NOP58: variants seen among roughly 807,000 people sequenced by gnomAD.
NOP58 encodes NOP58 ribonucleoprotein.
A neutral mutation model predicts 71.2 loss-of-function variants in NOP58; 44 were observed. The observed-to-expected ratio is 0.62, with a 90% CI of 0.49 to 0.79. The LOEUF (loss-of-function observed/expected upper bound fraction) is 0.79. Among genes scored for constraint, NOP58 ranks in the 30% least tolerant of loss-of-function variants. The probability of loss-of-function intolerance (pLI) is 0.00; values close to 1 mark genes in which losing one functional copy is unlikely to be tolerated. For missense variants in NOP58, 538 were observed against 620.2 expected (o/e 0.87, Z 1.41); for synonymous variants, 228 against 200.3 (o/e 1.14, Z -1.17).
At chr2:202,291,067 G>T in intron 7 of NOP58, 58 bp from the exon 8 acceptor site, 2 of 1,424,382 alleles carry the variant, frequency 1.4e-6, no homozygotes, top group Non-Finnish European at 1.9e-6. Flanking sequence ...CTATTTGCTG[G>T]ATTTTATATA....
intron 13 of NOP58, among the ~76,000 whole-genome samples, chr2:202,301,198 C>A (rs1219498959): frequency 6.6e-6 from 1 of 151,662 alleles, no homozygotes; most frequent in Non-Finnish European, 1.5e-5. Flanking sequence ...TCTTTTTTTA[C>A]CCCCAAGACA....
In NOP58 at chr2:202,302,072, CTTTTTTTTTTCTTTTT is replaced by C. The variant is rs1290597832; in HGVS notation, c.1403-838_1403-823del. 3.4e-5 allele frequency among the ~76,000 whole-genome samples: 4 copies of C among 119,118 alleles called. 1 individual carries two copies. The East Asian group carries it at 7.2e-4, about 21-fold the overall frequency. The allele number at this position is 119,118 out of a possible 152,430, so 78.1% of individuals were successfully genotyped here. The stretch of plus-strand genomic sequence containing the variant: ...CTGAATTTCTCTCTCTTTTCTTTTT[CTTTTTTTTTTCTTTTT>C]TTTTTTTTTTTTTTTTTGAGACAGA... On this transcript the variant is annotated intron_variant, in intron 13 of 14. Coordinates refer to ENST00000264279, the MANE Select transcript of NOP58 (RefSeq NM_015934.5).
intron 3 of NOP58, among the ~76,000 whole-genome samples, 186 bp from the exon 4 acceptor site, chr2:202,282,165 G>A (rs1688716867): frequency 1.3e-5 from 2 of 152,210 alleles, no homozygotes; most frequent in South Asian, 4.2e-4. Context: ...CAAAAATGAG[G>A]GTGGGAAGAT....
intron 10 of NOP58, 127 bp from the exon 11 acceptor site, chr2:202,297,252 G>A: frequency 1.2e-6 from 1 of 831,442 alleles, no homozygotes; most frequent in Non-Finnish European, 1.8e-6. Flanking sequence ...GGCAAAGGTT[G>A]AAATACGATG....
chr2:202,278,953 A>G (rs1330623811), intron 3 of NOP58, among the ~76,000 whole-genome samples: 3 of 152,304 alleles, frequency 2.0e-5, no homozygotes, highest in Non-Finnish European at 2.9e-5. Context: ...TTTGTTTTAT[A>G]AACATAGTTC....
chr2:202,303,357 T>C (rs762902297), intron 14 of NOP58, 29 bp from the exon 15 acceptor site: 2 of 1,610,806 alleles, frequency 1.2e-6, no homozygotes, highest in South Asian at 2.2e-5. Context: ...TTTCAGCTCT[T>C]TCAAAGCATT....
chr2:202,289,212 C>T (rs189513410), intron 6 of NOP58, among the ~76,000 whole-genome samples: 1 of 152,242 alleles, frequency 6.6e-6, no homozygotes, highest in East Asian at 1.9e-4. Flanking sequence ...GCTTGTACAC[C>T]TATGTTCATA....
intron 8 of NOP58, among the ~76,000 whole-genome samples, chr2:202,292,399 A>G (rs760830509): frequency 4.3e-4 from 66 of 152,028 alleles, no homozygotes; most frequent in Non-Finnish European, 8.1e-4. Flanking sequence ...GCCATCTTAT[A>G]GAAAACTGAT....
intron 1 of NOP58, among the ~76,000 whole-genome samples, chr2:202,272,149 A>ATTTTTT (rs570916461): frequency 2.7e-5 from 3 of 111,152 alleles, no homozygotes; most frequent in African/African-American, 3.5e-5. Context: ...CTGATGTATA[A>ATTTTTT]TTTTTTTTTT....
At chr2:202,293,773 C>A (rs937106794) in intron 9 of NOP58, among the ~76,000 whole-genome samples, 2 of 151,988 alleles carry the variant, frequency 1.3e-5, no homozygotes, top group Admixed American at 6.6e-5. Context: ...AGGGTTTTTG[C>A]CATGTTGGCC....
intron 1 of NOP58, among the ~76,000 whole-genome samples, chr2:202,272,005 A>G (rs1688518227): frequency 6.6e-6 from 1 of 152,114 alleles, no homozygotes; most frequent in Non-Finnish European, 1.5e-5. Flanking sequence ...TTATTTATCA[A>G]GTCCATAATA....
chr2:202,273,423 T>C (rs1688541615), intron 1 of NOP58, among the ~76,000 whole-genome samples: 1 of 152,214 alleles, frequency 6.6e-6, no homozygotes, highest in African/African-American at 2.4e-5. Flanking sequence ...TAATCATTTC[T>C]TTTCAGCCAG....
chr2:202,290,179 C>T (rs1236063143), intron 6 of NOP58, 144 bp from the exon 7 acceptor site: 4 of 604,358 alleles, frequency 6.6e-6, no homozygotes, highest in South Asian at 2.2e-5. Flanking sequence ...TGGTCTTGAA[C>T]TTCTGACTTC....
chr2:202,293,144 A>C, intron 9 of NOP58: 1 of 689,324 alleles, frequency 1.5e-6, no homozygotes, highest in Non-Finnish European at 2.7e-6. Context: ...CTTGTGGTCC[A>C]TTGTTAGAAG....
intron 3 of NOP58, chr2:202,278,223 C>T: frequency 1.6e-6 from 1 of 630,994 alleles, no homozygotes; most frequent in South Asian, 1.5e-5. Context: ...GCTGGTTTTC[C>T]CCATGTGTGA....
intron 5 of NOP58, 32 bp downstream of exon 5, chr2:202,284,513 C>G: frequency 6.2e-7 from 1 of 1,608,610 alleles, no homozygotes; most frequent in Non-Finnish European, 8.5e-7. Flanking sequence ...AGTCAACTTA[C>G]TTTTATTTGA....
intron 4 of NOP58, among the ~76,000 whole-genome samples, chr2:202,282,961 C>A (rs879330494): frequency 3.0e-4 from 45 of 152,206 alleles, no homozygotes; most frequent in Admixed American, 2.3e-3. Context: ...CTATAATAAT[C>A]CCAGCATTTT....
At chr2:202,286,535 T>C (rs1221958708) in intron 5 of NOP58, among the ~76,000 whole-genome samples, 3 of 152,044 alleles carry the variant, frequency 2.0e-5, no homozygotes, top group Non-Finnish European at 4.4e-5. Flanking sequence ...CACTACAATT[T>C]AAAAAGGTCT....
chr2:202,300,549 C>T (rs531308155), intron 13 of NOP58, among the ~76,000 whole-genome samples, 182 bp downstream of exon 13: 43 of 152,146 alleles, frequency 2.8e-4, no homozygotes, highest in Non-Finnish European at 2.4e-4. Context: ...TATCAGACTG[C>T]ACAGAGGAAA....
Sources: allele counts gnomAD v4.1 joint callset (sites outside exome capture counted in the v4.1 genomes callset), GRCh38; gene constraint gnomAD v4.1.1; transcripts MANE v1.5; gene names NCBI Gene and HGNC (gene_info 2026-07-23, HGNC 2026-07-21).